PRUNE2: variants seen among roughly 807,000 people sequenced by gnomAD.
The protein encoded by PRUNE2 is prune homolog 2 with BCH domain, also known as protein prune homolog 2.
A neutral mutation model predicts 252.0 loss-of-function variants in PRUNE2; 164 were observed. The observed-to-expected ratio is 0.65, with a 90% confidence interval of 0.57 to 0.74. The LOEUF is 0.74. Among genes scored for constraint, PRUNE2 ranks in the 30% least tolerant of loss-of-function variants. The pLI is 0.00. For missense variants in PRUNE2, 3,495 were observed against 3,711.0 expected, an observed-to-expected ratio of 0.94 and a Z score of 1.51; for synonymous variants, 1,292 against 1,350.2, an observed-to-expected ratio of 0.96 and a Z score of 0.94.
intron 11 of PRUNE2, among the ~76,000 whole-genome samples, chr9:76,648,974 GATA>G (rs1208067759): frequency 6.6e-6 from 1 of 152,182 alleles, no homozygotes; most frequent in Non-Finnish European, 1.5e-5. Context: ...GACCTTGGGT[GATA>G]ATGATGTGTC....
intron 9 of PRUNE2, among the ~76,000 whole-genome samples, chr9:76,680,287 A>C (rs2043281473): frequency 6.6e-6 from 1 of 152,226 alleles, no homozygotes; most frequent in Non-Finnish European, 1.5e-5. Context: ...AGAAAAATGC[A>C]AATCAAAACT....
chr9:76,812,741 C>T (rs1406648314), intron 6 of PRUNE2, among the ~76,000 whole-genome samples: 1 of 152,120 alleles, frequency 6.6e-6, no homozygotes, highest in African/African-American at 2.4e-5. Context: ...TCTTGATGGC[C>T]ACCTTCAGCT....
At chr9:76,891,575 T>C (rs1445431829) in intron 1 of PRUNE2, among the ~76,000 whole-genome samples, 1 of 152,214 alleles carries the variant, frequency 6.6e-6, no homozygotes, top group Non-Finnish European at 1.5e-5. Context: ...ATGCGTATGT[T>C]TTCCTGTGTC....
chr9:76,855,082 AATAT>A (rs1162386020), intron 1 of PRUNE2, among the ~76,000 whole-genome samples: 106 of 109,398 alleles, frequency 9.7e-4, no homozygotes, highest in East Asian at 1.3e-3. Flanking sequence ...AAAAAAAAAA[AATAT>A]ATATATATAT....
chr9:76,687,745 C>G (rs1246118382), intron 9 of PRUNE2: 2 of 223,206 alleles, frequency 9.0e-6, no homozygotes, highest in African/African-American at 4.6e-5. Context: ...GGATCAGAGA[C>G]ACATTCTGCT....
chr9:76,792,442 G>A (rs901227411), intron 6 of PRUNE2, among the ~76,000 whole-genome samples: 3 of 152,156 alleles, frequency 2.0e-5, no homozygotes, highest in Admixed American at 2.0e-4. Flanking sequence ...TACAGGTACT[G>A]AGGCAGGTCA....
chr9:76,707,188 C>T lies in PRUNE2; in HGVS notation c.5086G>A (p.Glu1696Lys). The change falls in exon 8 of 19, where the codon GAG becomes AAG. Residue 1696 changes from glutamate to lysine, a missense_variant. Transcript: ENST00000376718. ...ACCTGGATCTCTTCCTCTATTGACT[C>T]TTCACCACCGACACTGTCATCATCA... is the stretch of plus-strand genomic sequence containing the variant. Reference protein sequence around the residue: ...GSDDDSVGGEESIEEEIQVAN... With the variant: ...GSDDDSVGGEKSIEEEIQVAN... The T allele has an allele frequency of 6.2e-7, 1 of 1,614,002 alleles. No individual in the cohort carries two copies. Among genetic ancestry groups the T allele is most frequent in the Non-Finnish European group, 8.5e-7 (1 of 1,179,886 alleles).
chr9:76,669,939 G>C (rs2040993502), intron 9 of PRUNE2, among the ~76,000 whole-genome samples: 1 of 152,180 alleles, frequency 6.6e-6, no homozygotes, highest in Non-Finnish European at 1.5e-5. Flanking sequence ...ACTGCCAAGA[G>C]CTTCTTGCCC....
chr9:76,885,741 G>A (rs919961136), intron 1 of PRUNE2, among the ~76,000 whole-genome samples: 1 of 152,130 alleles, frequency 6.6e-6, no homozygotes, highest in African/African-American at 2.4e-5. Context: ...GCCTTTGTGA[G>A]TATAGCTAGT....
At chr9:76,879,189 C>A (rs1334476550) in intron 1 of PRUNE2, among the ~76,000 whole-genome samples, 1 of 152,198 alleles carries the variant, frequency 6.6e-6, no homozygotes, top group African/African-American at 2.4e-5. Context: ...CACTGTAAAT[C>A]TCCACGTGTA....
At chr9:76,642,001 T>TAAAAAAAAAAAAAAAAAAAGAAAAAAA in intron 12 of PRUNE2, 1 of 1,010,460 alleles carries the variant, frequency 9.9e-7, no homozygotes, top group Non-Finnish European at 1.4e-6. Context: ...ATAAGAGAAG[T>TAAAAAAAAAAAAAAAAAAAGAAAAAAA]AAAAAAAAAA....
At position 76,871,938 on chromosome 9, in the gene PRUNE2, C is replaced by T. The variant is rs534117204; in HGVS notation, c.37-17730G>A. Among the ~76,000 whole-genome samples the T allele has an allele frequency of 3.3e-5, 5 of 152,222 alleles. No homozygotes were observed. The East Asian group carries it at 7.7e-4, about 24-fold the overall frequency. Reference sequence around the variant, plus strand: ...GCTACCACGTCCAGCCTAGTTACGACAATTTTCTTAAAATTACGCTGTAGA... The same window carrying T: ...GCTACCACGTCCAGCCTAGTTACGATAATTTTCTTAAAATTACGCTGTAGA... On this transcript the variant is annotated intron_variant, in intron 1 of 18. Transcript: ENST00000376718.
In PRUNE2 at chr9:76,612,414, A is replaced by C. The variant is rs1001159217; in HGVS notation, c.*2156T>G. On this transcript the variant is annotated 3_prime_UTR_variant, in exon 19 of 19. Coordinates refer to ENST00000376718, the MANE Select transcript of PRUNE2 (RefSeq NM_015225.3). The stretch of plus-strand genomic sequence containing the variant: ...CACTACACTGAACACTGGATTTTTC[A>C]TTACTTCCTGTGACAGGGTGACCAT... 6.6e-6 allele frequency: 1 copy of C among 152,212 alleles called. No homozygotes were observed. The highest frequency in any genetic ancestry group is 1.5e-5 in the Non-Finnish European group (1 of 68,044). 9.4% of individuals were successfully genotyped at this position (152,212 alleles called of 1,614,324 possible). A position where few individuals can be genotyped will look rare whatever the true frequency, so the allele number is the denominator to read the frequency against.
intron 1 of PRUNE2, among the ~76,000 whole-genome samples, chr9:76,879,696 C>T (rs555842196): frequency 2.0e-5 from 3 of 151,204 alleles, no homozygotes; most frequent in Non-Finnish European, 4.4e-5. Flanking sequence ...TAAGTAAGGC[C>T]CCAAAGGAAG....
rs374050084 is a variant in PRUNE2, at chr9:76,744,291, A to C, written c.757-30570T>G. Among the ~76,000 whole-genome samples the C allele has an allele frequency of 3.1e-4, 47 of 152,340 alleles. No homozygotes were observed. The South Asian group carries it at 9.7e-3, about 32-fold the overall frequency. On this transcript the variant is annotated intron_variant, in intron 6 of 18. Transcript: ENST00000376718. ...AAGTTCAAAGTGATAAAGGGAATTA[A>C]AGCACTAGATGAGTGACTAGGGAGA...
At chr9:76,882,545 T>C (rs1489020638) in intron 1 of PRUNE2, among the ~76,000 whole-genome samples, 2 of 152,140 alleles carry the variant, frequency 1.3e-5, no homozygotes, top group Non-Finnish European at 1.5e-5. Flanking sequence ...AGGAAATTTC[T>C]AATCAAGGTG....
intron 9 of PRUNE2, among the ~76,000 whole-genome samples, chr9:76,702,082 C>T (rs1432220294): frequency 2.7e-5 from 4 of 147,358 alleles, no homozygotes; most frequent in African/African-American, 5.1e-5. Context: ...TTTTTTGAGA[C>T]GGAGTCTGGC....
chr9:76,822,054 T>C (rs2058064551), intron 6 of PRUNE2, among the ~76,000 whole-genome samples: 1 of 152,150 alleles, frequency 6.6e-6, no homozygotes, highest in Non-Finnish European at 1.5e-5. Context: ...AGGCTTGAAC[T>C]AGTAGAAATG....
chr9:76,632,723 A>C (rs1479136276), intron 15 of PRUNE2, among the ~76,000 whole-genome samples: 1 of 152,026 alleles, frequency 6.6e-6, no homozygotes, highest in African/African-American at 2.4e-5. Context: ...CTGCCTAGCT[A>C]AATTTAAAAA....
Sources: gnomAD v4.1 joint callset for allele counts (sites outside exome capture counted in the v4.1 genomes callset) on GRCh38, gnomAD v4.1.1 for gene constraint, MANE v1.5 for transcripts, NCBI Gene and HGNC (gene_info 2026-07-23, HGNC 2026-07-21) for gene names.